Variants in USH2A observed in about 807,000 individuals in gnomAD.
USH2A encodes Usher syndrome 2A (autosomal recessive, mild).
Under a neutral mutation model 538.9 loss-of-function variants are expected in USH2A, and 443 were observed. The ratio of observed to expected loss-of-function variants is 0.82; its 90% confidence interval spans 0.76 to 0.89. The LOEUF (loss-of-function observed/expected upper bound fraction) is 0.89, where lower values mean the gene tolerates loss of function less well. Ranked by LOEUF, USH2A falls within the 40% of genes least tolerant of loss-of-function variation. USH2A has a pLI of 0.00. For synonymous variants in USH2A, 2,413 were observed against 2,273.5 expected, an observed-to-expected ratio of 1.06 and a Z score of -1.75; for missense variants, 6,633 against 6,324.8, an observed-to-expected ratio of 1.05 and a Z score of -1.65.
At chr1:216,066,749 G>A (rs2102543006) in intron 30 of USH2A, among the ~76,000 whole-genome samples, 1 of 152,240 alleles carries the variant, frequency 6.6e-6, no homozygotes, top group Non-Finnish European at 1.5e-5. Flanking sequence ...GCTAAAAAGG[G>A]TTAGAGCTAG....
chr1:216,103,497 A>T (rs1345356165), intron 21 of USH2A, among the ~76,000 whole-genome samples: 1 of 152,214 alleles, frequency 6.6e-6, no homozygotes, highest in Non-Finnish European at 1.5e-5. Context: ...AGCTATTGTA[A>T]GAACAAAAAG....
chr1:215,752,666 G>T (rs562624032), intron 58 of USH2A, among the ~76,000 whole-genome samples: 1 of 152,096 alleles, frequency 6.6e-6, no homozygotes, highest in East Asian at 1.9e-4. Flanking sequence ...TTCCCTTCAG[G>T]GGCTCACCAC....
chr1:216,106,009 A>T (rs1406600121), intron 21 of USH2A, among the ~76,000 whole-genome samples: 1 of 151,450 alleles, frequency 6.6e-6, no homozygotes, highest in Non-Finnish European at 1.5e-5. Context: ...TACATACAAA[A>T]TTATGTCGAT....
chr1:215,633,346 C>T (rs1205851072), intron 70 of USH2A, among the ~76,000 whole-genome samples: 2 of 152,144 alleles, frequency 1.3e-5, no homozygotes, highest in Non-Finnish European at 2.9e-5. Flanking sequence ...TCCACCACCA[C>T]GTCATTGTCC....
chr1:216,159,004 C>G (rs532951594), intron 21 of USH2A, among the ~76,000 whole-genome samples: 5 of 152,150 alleles, frequency 3.3e-5, no homozygotes, highest in Admixed American at 6.5e-5. Flanking sequence ...TCATTTTCTA[C>G]TTGTTTTTTG....
At chr1:216,003,711 T>A (rs901039888) in intron 32 of USH2A, among the ~76,000 whole-genome samples, 9 of 152,138 alleles carry the variant, frequency 5.9e-5, no homozygotes, top group African/African-American at 1.9e-4. Context: ...GGTCAGTTCA[T>A]GCAGGCCTTG....
At chr1:215,762,721 TAA>T (rs1661015448) in intron 56 of USH2A, among the ~76,000 whole-genome samples, 1 of 152,248 alleles carries the variant, frequency 6.6e-6, no homozygotes, top group East Asian at 1.9e-4. Flanking sequence ...AACTCTGGCC[TAA>T]GTCTCAGGTG....
At chr1:216,383,866 C>CT (rs57494312) in intron 3 of USH2A, among the ~76,000 whole-genome samples, 14,892 of 134,822 alleles carry the variant, frequency 0.11, 2,451 homozygotes, top group African/African-American at 0.36. Flanking sequence ...TTCTTTCTTT[C>CT]TTTTTTTTTT....
rs150900847 is a variant in USH2A at position 215,675,244 on chromosome 1, A to G, written c.12667T>C (p.Phe4223Leu). ...TGCAAACCTGTGTCATTATACATAAATGTATTCCTTTCAGTGTTATATTCT... is the reference window on the plus strand; with the variant it reads ...TGCAAACCTGTGTCATTATACATAAGTGTATTCCTTTCAGTGTTATATTCT... Reference protein sequence around the residue: ...FTEYNTERNTFMYNDTGLQPW... With the variant: ...FTEYNTERNTLMYNDTGLQPW... Residue 4223 changes from phenylalanine to leucine, a missense_variant, in exon 63 of 72, where the codon TTT (phenylalanine) becomes CTT (leucine). Transcript: ENST00000307340. 6.3e-5 allele frequency: 102 copies of G among 1,614,016 alleles called. No individual in the cohort carries two copies. Among genetic ancestry groups the G allele is most frequent in the Middle Eastern group, 1.6e-4 (1 of 6,084 alleles).
At chr1:216,067,624 A>T (rs2031423599) in intron 30 of USH2A, among the ~76,000 whole-genome samples, 1 of 152,156 alleles carries the variant, frequency 6.6e-6, no homozygotes, top group Admixed American at 6.5e-5. Flanking sequence ...ATATTTTGAA[A>T]AATAGAATGA....
chr1:215,653,680 C>T (rs906165855), intron 64 of USH2A, among the ~76,000 whole-genome samples: 1 of 152,172 alleles, frequency 6.6e-6, no homozygotes, highest in Non-Finnish European at 1.5e-5. Context: ...CTGTCTTTGT[C>T]TCTGTCTCTG....
chr1:216,283,824 C>T (rs2036831625), intron 11 of USH2A, among the ~76,000 whole-genome samples: 1 of 152,098 alleles, frequency 6.6e-6, no homozygotes. Context: ...ATGTTGTCCC[C>T]AGTCTTACAT....
At position 215,758,447 on chromosome 1, in the gene USH2A, AAG is replaced by A. The variant is rs1660876953; in HGVS notation, c.11389+146_11389+147del. 5 of 906,760 alleles carry A rather than the reference AAG, an allele frequency of 5.5e-6. No homozygotes were observed. The African/African-American group carries it at 8.4e-5, about 15-fold the overall frequency. The allele number at this position is 906,760 out of a possible 1,614,324, so 56.2% of individuals were successfully genotyped here. On this transcript the variant is annotated intron_variant, in intron 58 of 71. Coordinates refer to ENST00000307340, the MANE Select transcript of USH2A (RefSeq NM_206933.4). Reference sequence around the variant, plus strand: ...TGTACTCATGCGTCTATACACTTAGAAGTGTGGTTTAGATTTTTCTGTTCATA... The same window carrying A: ...TGTACTCATGCGTCTATACACTTAGATGTGGTTTAGATTTTTCTGTTCATA...
chr1:216,318,843 G>A (rs1031609951), intron 9 of USH2A, among the ~76,000 whole-genome samples: 1 of 152,100 alleles, frequency 6.6e-6, no homozygotes, highest in South Asian at 2.1e-4. Context: ...ATCCCAACTT[G>A]TCTTCTGAAA....
chr1:216,079,547 A>G (rs1213171669), intron 26 of USH2A, among the ~76,000 whole-genome samples: 1 of 152,108 alleles, frequency 6.6e-6, no homozygotes. Flanking sequence ...GACAAAGGGT[A>G]CATATGGAGG....
At chr1:216,111,486 A>T (rs988927445) in intron 21 of USH2A, among the ~76,000 whole-genome samples, 3 of 152,132 alleles carry the variant, frequency 2.0e-5, no homozygotes, top group Non-Finnish European at 2.9e-5. Flanking sequence ...ATAAATGAGT[A>T]GAGCTTACGG....
intron 21 of USH2A, among the ~76,000 whole-genome samples, chr1:216,132,946 G>C (rs528971897): frequency 3.9e-5 from 6 of 152,060 alleles, no homozygotes; most frequent in Non-Finnish European, 7.4e-5. Context: ...AGTGGGATAA[G>C]AATTCATTTT....
intron 3 of USH2A, among the ~76,000 whole-genome samples, chr1:216,388,360 G>T (rs896934522): frequency 1.3e-4 from 19 of 151,238 alleles, no homozygotes; most frequent in African/African-American, 4.7e-4. Flanking sequence ...TTCCTCTTTT[G>T]CTGGAAACCC....
At chr1:215,653,897 T>A (rs187704754) in intron 64 of USH2A, among the ~76,000 whole-genome samples, 9 of 152,178 alleles carry the variant, frequency 5.9e-5, no homozygotes, top group African/African-American at 1.9e-4. Flanking sequence ...AGATCCCACA[T>A]AGAAAACTTT....
Sources: gnomAD v4.1 joint callset for allele counts (sites outside exome capture counted in the v4.1 genomes callset) on GRCh38, gnomAD v4.1.1 for gene constraint, MANE v1.5 for transcripts, NCBI Gene and HGNC (gene_info 2026-07-23, HGNC 2026-07-21) for gene names.